Variants in COL6A6 observed in about 807,000 individuals in gnomAD.
The protein encoded by COL6A6 is collagen alpha-6(VI) chain.
In COL6A6, 183 loss-of-function variants were observed where a neutral mutation model predicts 208.6. The observed-to-expected ratio is 0.88, with a 90% CI of 0.78 to 0.99. The LOEUF (loss-of-function observed/expected upper bound fraction) is 0.99. COL6A6 is among the 50% of genes least tolerant of loss of function. The probability of loss-of-function intolerance (pLI) is 0.00; values close to 1 mark genes in which losing one functional copy is unlikely to be tolerated. For missense variants in COL6A6, 2,816 were observed against 2,815.2 expected (o/e 1.00, Z -0.01); for synonymous variants, 973 against 1,011.8 (o/e 0.96, Z 0.73).
At chr3:130,520,903 A>G (rs10212161) in intron 1 of COL6A6, among the ~76,000 whole-genome samples, 10,779 of 152,294 alleles carry the variant, frequency 0.071, 471 homozygotes, top group Non-Finnish European at 0.096. Context: ...CCGAAGAACA[A>G]GTCTAAGGAG....
intron 32 of COL6A6, among the ~76,000 whole-genome samples, chr3:130,648,158 T>C (rs1480755886): frequency 6.6e-6 from 1 of 152,254 alleles, no homozygotes; most frequent in Non-Finnish European, 1.5e-5. Flanking sequence ...AAATATGCAA[T>C]TAACACTTAC....
intron 12 of COL6A6, among the ~76,000 whole-genome samples, chr3:130,590,297 A>G (rs1485182181): frequency 1.3e-4 from 1 of 7,494 alleles, no homozygotes; most frequent in Non-Finnish European, 2.5e-4. Context: ...ATATATATAT[A>G]TATTTTTTTT....
At position 130,562,143 on chromosome 3, in the gene COL6A6, TAGAG is replaced by T. The variant is rs1300130391; in HGVS notation, c.65-920_65-917del. 4.6e-5 allele frequency among the ~76,000 whole-genome samples: 7 copies of T among 152,224 alleles called. No homozygotes were observed. The East Asian group carries it at 1.3e-3, about 29-fold the overall frequency. On this transcript the variant is annotated intron_variant, in intron 2 of 36. Coordinates refer to ENST00000358511, the MANE Select transcript of COL6A6 (RefSeq NM_001102608.3). ...ACAAGAAATGGATCTTATGCTAAGGTAGAGAGAGCTCTGAGTTCAAACCAGCAGA... is the reference window on the plus strand; with the variant it reads ...ACAAGAAATGGATCTTATGCTAAGGTAGAGCTCTGAGTTCAAACCAGCAGA...
chr3:130,599,929 C>T (rs552373655), intron 20 of COL6A6, 119 bp downstream of exon 20: 1 of 901,996 alleles, frequency 1.1e-6, no homozygotes, highest in African/African-American at 1.6e-5. Flanking sequence ...CTTGAGGAAA[C>T]TAACTTATGA....
intron 33 of COL6A6, among the ~76,000 whole-genome samples, chr3:130,654,130 A>G (rs906911369): frequency 2.0e-5 from 3 of 152,224 alleles, no homozygotes; most frequent in Non-Finnish European, 2.9e-5. Flanking sequence ...AACTCTAATC[A>G]TAAAGGTAGC....
chr3:130,599,929 C>G, intron 20 of COL6A6, 119 bp downstream of exon 20: 1 of 901,996 alleles, frequency 1.1e-6, no homozygotes, highest in Admixed American at 2.0e-5. Flanking sequence ...CTTGAGGAAA[C>G]TAACTTATGA....
At chr3:130,662,687 T>C (rs925815696) in intron 35 of COL6A6, among the ~76,000 whole-genome samples, 3 of 152,172 alleles carry the variant, frequency 2.0e-5, no homozygotes, top group Admixed American at 2.0e-4. Flanking sequence ...GAAAGTTTCA[T>C]CTGTTAAGGC....
intron 1 of COL6A6, among the ~76,000 whole-genome samples, chr3:130,554,386 T>C (rs959659112): frequency 5.3e-5 from 8 of 152,260 alleles, no homozygotes; most frequent in Non-Finnish European, 1.0e-4. Flanking sequence ...TAGGCATTCA[T>C]GAAAGTGGTG....
upstream of COL6A6, among the ~76,000 whole-genome samples, chr3:130,517,051 G>A (rs929772799): frequency 6.6e-6 from 1 of 152,308 alleles, no homozygotes; most frequent in South Asian, 2.1e-4. Flanking sequence ...TCCCGCTTCC[G>A]TCACCTCCCT....
At chr3:130,523,117 C>T (rs1420032654) in intron 1 of COL6A6, among the ~76,000 whole-genome samples, 4 of 152,174 alleles carry the variant, frequency 2.6e-5, no homozygotes, top group Middle Eastern at 3.4e-3. Flanking sequence ...TACTCCCAGT[C>T]CTCTAGTTCT....
chr3:130,517,873 C>T (rs1418306863), intron 1 of COL6A6, among the ~76,000 whole-genome samples: 1 of 152,224 alleles, frequency 6.6e-6, no homozygotes, highest in Non-Finnish European at 1.5e-5. Context: ...TCTTGCACTT[C>T]ACACAAATTT....
chr3:130,624,642 C>G (rs2064832074), intron 24 of COL6A6, among the ~76,000 whole-genome samples: 1 of 151,996 alleles, frequency 6.6e-6, no homozygotes, highest in Non-Finnish European at 1.5e-5. Context: ...TAAAGGGACC[C>G]TAGAGTTGGA....
rs1351084137 is a variant in COL6A6 at position 130,676,876 on chromosome 3, A to C, written c.*1479A>C. The C allele has an allele frequency of 1.3e-5, 2 of 152,242 alleles. No individual in the cohort carries two copies. Among genetic ancestry groups the C allele is most frequent in the Admixed American group, 1.3e-4 (2 of 15,288 alleles). 9.4% of individuals were successfully genotyped at this position (152,242 alleles called of 1,614,324 possible). On this transcript the variant is annotated 3_prime_UTR_variant, in exon 37 of 37. Coordinates refer to ENST00000358511, the MANE Select transcript of COL6A6 (RefSeq NM_001102608.3). ...TTAGGGGTTCAGAAAAAATGTTTCA[A>C]GTACAGGAAATTAATGAGCAATATT...
At chr3:130,634,113 A>G (rs1211724805) in intron 26 of COL6A6, among the ~76,000 whole-genome samples, 1 of 105,764 alleles carries the variant, frequency 9.5e-6, no homozygotes, top group East Asian at 2.4e-4. Context: ...GCAGCATTTC[A>G]GGGAAACAGT....
chr3:130,555,435 G>A lies in COL6A6; in HGVS notation c.-31-4899G>A, dbSNP rs552286368. ...GCCTTTGCTCTGAAGGTCTGAGAGT[G>A]TGTCAGTCTCCCCAGTGTCCCAGTC... is the stretch of plus-strand genomic sequence containing the variant. On this transcript the variant is annotated intron_variant, in intron 1 of 36. Coordinates refer to ENST00000358511, the MANE Select transcript of COL6A6 (RefSeq NM_001102608.3). Among the ~76,000 whole-genome samples the A allele has an allele frequency of 4.5e-4, 68 of 152,290 alleles. 1 individual carries two copies. The highest frequency in any genetic ancestry group is 2.1e-3 in the East Asian group (11 of 5,184).
Position 130,593,229 on chromosome 3 carries a change from G to A in COL6A6, c.4447G>A (p.Glu1483Lys), listed in dbSNP as rs766250888. 5 of 1,612,824 alleles carry A rather than the reference G, an allele frequency of 3.1e-6. No homozygotes were observed. In the African/African-American group the frequency reaches 5.3e-5, roughly 17 times the overall value. Residue 1483 changes from glutamate to lysine, a missense_variant, in exon 17 of 37, where the codon GAA becomes AAA. Transcript: ENST00000358511. The stretch of plus-strand genomic sequence containing the variant: ...TAATGGTCTTCCTGGAAGAAAAGGA[G>A]AAAAGGGAGATGAGGGATCTCAGGT... ...GDNGLPGRKGEKGDEGSQGSP... is the reference protein window; with the variant it reads ...GDNGLPGRKGKKGDEGSQGSP...
chr3:130,534,135 C>T (rs2062169699), intron 1 of COL6A6, among the ~76,000 whole-genome samples: 1 of 152,174 alleles, frequency 6.6e-6, no homozygotes, highest in Non-Finnish European at 1.5e-5. Flanking sequence ...TATATTCCCA[C>T]CAGCCATGTA....
chr3:130,563,305 T>C lies in COL6A6; in HGVS notation c.302T>C (p.Ile101Thr), dbSNP rs762934753. 1.9e-6 allele frequency: 3 copies of C among 1,613,874 alleles called. No homozygotes were observed. The highest frequency in any genetic ancestry group is 1.7e-5 in the Admixed American group (1 of 60,010). The change falls in exon 3 of 37, where the codon ATT becomes ACT. Residue 101 changes from isoleucine to threonine, a missense_variant. Physicochemically the swap from Ile to Thr is moderately conservative, Grantham distance 89. Transcript: ENST00000358511. ...LNHLRKNFGFIGGSLQIGKAL... is the reference protein window; with the variant it reads ...LNHLRKNFGFTGGSLQIGKAL... ...CACCTAAGGAAGAACTTTGGATTCA[T>C]TGGCGGGTCCCTGCAGATAGGAAAG... is the stretch of plus-strand genomic sequence containing the variant.
intron 1 of COL6A6, among the ~76,000 whole-genome samples, chr3:130,551,465 T>C (rs1037082816): frequency 6.6e-6 from 1 of 152,150 alleles, no homozygotes; most frequent in Non-Finnish European, 1.5e-5. Flanking sequence ...GAGCTGTTCA[T>C]AGGAATCGGA....
Sources: gnomAD v4.1 joint callset for allele counts (sites outside exome capture counted in the v4.1 genomes callset) on GRCh38, gnomAD v4.1.1 for gene constraint, MANE v1.5 for transcripts, NCBI Gene and HGNC (gene_info 2026-07-23, HGNC 2026-07-21) for gene names.